Variants in DRICH1 observed in about 807,000 individuals in gnomAD.
DRICH1 encodes the protein aspartate-rich protein 1.
In DRICH1, 38 loss-of-function variants were observed where a neutral mutation model predicts 39.5. The observed-to-expected ratio is 0.96, with a 90% CI of 0.74 to 1.26. The LOEUF (loss-of-function observed/expected upper bound fraction) is 1.26. Among genes scored for constraint, DRICH1 ranks in the 50% most tolerant of loss-of-function variants. The pLI, the probability that DRICH1 is intolerant of heterozygous loss-of-function variation, is 0.00. For synonymous variants in DRICH1, 84 were observed against 99.5 expected (o/e 0.84, Z 0.93); for missense variants, 279 against 270.4 (o/e 1.03, Z -0.22).
chr22:23,601,146 G>GCGCGCACACA, the DRICH1 span, among the ~76,000 whole-genome samples: 352 of 146,212 alleles, frequency 2.4e-3, no homozygotes, highest in African/African-American at 8.3e-3. Context: ...ACGCACGCGC[G>GCGCGCACACA]CACACACACA....
chr22:23,587,739 G>A, the DRICH1 span, among the ~76,000 whole-genome samples: 2 of 152,212 alleles, frequency 1.3e-5, no homozygotes, highest in Non-Finnish European at 2.9e-5. Flanking sequence ...CAGAAACCCA[G>A]GGGTCTCCCC....
intron 11 of DRICH1, among the ~76,000 whole-genome samples, chr22:23,611,374 C>T (rs1283332825): frequency 6.6e-6 from 1 of 151,126 alleles, no homozygotes; most frequent in African/African-American, 2.4e-5. Context: ...CAATTTATGG[C>T]TGTTCTTATT....
the DRICH1 span, among the ~76,000 whole-genome samples, chr22:23,600,411 A>T: frequency 6.6e-6 from 1 of 152,148 alleles, no homozygotes; most frequent in South Asian, 2.1e-4. Context: ...CATTTTGAAC[A>T]GTTCCTGGGG....
chr22:23,600,403 T>C, the DRICH1 span, among the ~76,000 whole-genome samples: 1 of 152,148 alleles, frequency 6.6e-6, no homozygotes, highest in Admixed American at 6.5e-5. Flanking sequence ...GCACCTAGCA[T>C]TTTGAACAGT....
intron 11 of DRICH1, among the ~76,000 whole-genome samples, chr22:23,611,017 A>C (rs17002820): frequency 0.023 from 3,527 of 151,964 alleles, 140 homozygotes; most frequent in African/African-American, 0.08. Context: ...ACCTGTCAGT[A>C]ACTTTTCACT....
chr22:23,630,739 G>C (rs1216946029), intron 1 of DRICH1: 1 of 152,206 alleles, frequency 6.6e-6, no homozygotes, highest in South Asian at 2.1e-4. Context: ...TGACACGGCT[G>C]TTTCCAGGGA....
chr22:23,596,366 C>G, the DRICH1 span, among the ~76,000 whole-genome samples: 1 of 152,096 alleles, frequency 6.6e-6, no homozygotes, highest in Non-Finnish European at 1.5e-5. Context: ...ACTCAAGGAC[C>G]CTCCCACCTC....
chr22:23,592,870 ACACAC>A, the DRICH1 span, among the ~76,000 whole-genome samples: 2 of 150,828 alleles, frequency 1.3e-5, no homozygotes, highest in African/African-American at 4.9e-5. Context: ...ACACACACAC[ACACAC>A]ACACAAAATT....
chr22:23,624,300 A>T (rs920421616), intron 3 of DRICH1: 1 of 985,216 alleles, frequency 1.0e-6, no homozygotes, highest in African/African-American at 1.7e-5. Context: ...GGCAGAAAAG[A>T]GCAGGTGTTC....
the DRICH1 span, among the ~76,000 whole-genome samples, chr22:23,582,563 T>TATTA: frequency 1.8e-4 from 27 of 146,632 alleles, no homozygotes; most frequent in African/African-American, 5.5e-4. Context: ...GGCTTATTAT[T>TATTA]ATTATTATTA....
chr22:23,618,901 C>T (rs553387410), intron 6 of DRICH1, among the ~76,000 whole-genome samples: 83 of 152,092 alleles, frequency 5.5e-4, no homozygotes, highest in Non-Finnish European at 8.4e-4. Context: ...TGTCCAGGCG[C>T]GGTGGCTCAT....
chr22:23,624,190 A>G (rs1393060904), intron 3 of DRICH1: 6 of 985,386 alleles, frequency 6.1e-6, no homozygotes, highest in East Asian at 1.1e-4. Flanking sequence ...TCTCCTATGC[A>G]TCTGGCACAC....
chr22:23,610,671 C>T (rs1427013300), intron 11 of DRICH1: 1 of 152,226 alleles, frequency 6.6e-6, no homozygotes, highest in African/African-American at 2.4e-5. Flanking sequence ...CTGCTCTCTG[C>T]TGTTAGGTTT....
At chr22:23,625,626 A>G (rs1216837652) in intron 2 of DRICH1, among the ~76,000 whole-genome samples, 1 of 152,162 alleles carries the variant, frequency 6.6e-6, no homozygotes, top group Non-Finnish European at 1.5e-5. Context: ...AGAGACCCTG[A>G]GCTGACTAGG....
the DRICH1 span, among the ~76,000 whole-genome samples, chr22:23,585,878 A>G: frequency 1.3e-5 from 2 of 152,188 alleles, no homozygotes; most frequent in African/African-American, 2.4e-5. Context: ...CATACTCTGA[A>G]TAATTTCAAT....
In DRICH1 at chr22:23,616,718, A is replaced by G. The variant is rs562165222; in HGVS notation, c.541+135T>C. On this transcript the variant is annotated intron_variant, in intron 8 of 11. Coordinates refer to ENST00000317749, the MANE Select transcript of DRICH1 (RefSeq NM_016449.4). ...ACACATTTCTACAGCCCCTCTTCTC[A>G]TAGCTATACACTTGCAGAATCATTT... 4.6e-4 allele frequency: 557 copies of G among 1,218,948 alleles called. 4 individuals are homozygous for G. The highest frequency in any genetic ancestry group is 3.9e-3 in the South Asian group (315 of 80,980). The allele number at this position is 1,218,948 out of a possible 1,614,324, so 75.5% of individuals were successfully genotyped here.
At chr22:23,615,403 A>T (rs1446493783) in intron 8 of DRICH1, among the ~76,000 whole-genome samples, 1 of 152,220 alleles carries the variant, frequency 6.6e-6, no homozygotes, top group Admixed American at 6.5e-5. Flanking sequence ...TTTATTTGAT[A>T]CCTATTCATT....
At chr22:23,607,602 G>A (rs1926810360), downstream of DRICH1, among the ~76,000 whole-genome samples, 1 of 152,092 alleles carries the variant, frequency 6.6e-6, no homozygotes, top group African/African-American at 2.4e-5. Flanking sequence ...CTCATTAGAG[G>A]CCCGGGTATT....
At chr22:23,624,365 A>C in intron 3 of DRICH1, 2 of 982,842 alleles carry the variant, frequency 2.0e-6, no homozygotes, top group Non-Finnish European at 2.4e-6. Context: ...AAAACACAGG[A>C]TACTCAATAG....
Sources: gnomAD v4.1 joint callset for allele counts (sites outside exome capture counted in the v4.1 genomes callset) on GRCh38, gnomAD v4.1.1 for gene constraint, MANE v1.5 for transcripts, NCBI Gene and HGNC (gene_info 2026-07-23, HGNC 2026-07-21) for gene names.